The following ARHGEF3 variants were observed in gnomAD, a reference collection of about 807,000 sequenced individuals.
ARHGEF3 encodes the protein Rho guanine nucleotide exchange factor 3.
A neutral mutation model predicts 63.2 loss-of-function variants in ARHGEF3; 28 were observed. That is an observed-to-expected ratio of 0.44 (90% confidence interval 0.33 to 0.61). The LOEUF (loss-of-function observed/expected upper bound fraction) is 0.61. Ranked by LOEUF, ARHGEF3 falls within the 20% of genes least tolerant of loss-of-function variation. The pLI is 0.03. For missense variants in ARHGEF3, 533 were observed against 659.3 expected (o/e 0.81, Z 2.10); for synonymous variants, 266 against 254.2 (o/e 1.05, Z -0.44).
intron 2 of ARHGEF3, among the ~76,000 whole-genome samples, chr3:56,970,306 T>C (rs1273217648): frequency 6.6e-6 from 1 of 152,160 alleles, no homozygotes; most frequent in Non-Finnish European, 1.5e-5. Flanking sequence ...AAGAAACATA[T>C]TTAATGGAAA....
intron 2 of ARHGEF3, among the ~76,000 whole-genome samples, chr3:56,999,835 C>G (rs940903734): frequency 2.6e-5 from 4 of 152,198 alleles, no homozygotes; most frequent in African/African-American, 9.7e-5. Context: ...TGCCCTTCCT[C>G]TAGTCAACTA....
intron 1 of ARHGEF3, among the ~76,000 whole-genome samples, chr3:57,057,685 C>T (rs867309179): frequency 2.0e-5 from 3 of 152,234 alleles, no homozygotes; most frequent in Middle Eastern, 3.4e-3. Flanking sequence ...ATAATGTACC[C>T]TCTGTGCCAC....
intron 1 of ARHGEF3, among the ~76,000 whole-genome samples, chr3:56,789,023 C>T (rs149704831): frequency 2.0e-5 from 2 of 100,672 alleles, no homozygotes; most frequent in Admixed American, 1.7e-4. Flanking sequence ...AAGATAGATG[C>T]TGCTGCTGCT....
intron 4 of ARHGEF3, among the ~76,000 whole-genome samples, chr3:56,811,106 G>C (rs1487896992): frequency 6.6e-6 from 1 of 152,180 alleles, no homozygotes; most frequent in Non-Finnish European, 1.5e-5. Context: ...GCTATATACA[G>C]ATGGGTGCCT....
rs189512549 is a variant in ARHGEF3, at chr3:56,995,585, G to A, written c.63-36696C>T. On this transcript the variant is annotated intron_variant, in intron 2 of 12. Transcript: ENST00000338458. ...ACTGGACTCAAAGAGGTATTCAAAA[G>A]TCTGACACTAGGGGGCAAAAGAGAG... is the stretch of plus-strand genomic sequence containing the variant. Among the ~76,000 whole-genome samples the A allele has an allele frequency of 1.9e-3, 273 of 145,902 alleles. 3 individuals are homozygous for A. The highest frequency in any genetic ancestry group is 0.014 in the Middle Eastern group (4 of 284).
intron 2 of ARHGEF3, among the ~76,000 whole-genome samples, chr3:56,967,769 T>G (rs1244708208): frequency 1.2e-5 from 1 of 86,296 alleles, no homozygotes; most frequent in South Asian, 3.7e-4. Flanking sequence ...TTATATATAA[T>G]ATATTATATT....
At chr3:56,786,464 G>C (rs1459517300) in intron 1 of ARHGEF3, among the ~76,000 whole-genome samples, 1 of 152,182 alleles carries the variant, frequency 6.6e-6, no homozygotes, top group Non-Finnish European at 1.5e-5. Flanking sequence ...GGGTGTATGT[G>C]CATGTGTGCA....
At chr3:56,788,023 G>T (rs903172653) in intron 1 of ARHGEF3, among the ~76,000 whole-genome samples, 3 of 152,168 alleles carry the variant, frequency 2.0e-5, no homozygotes, top group Non-Finnish European at 4.4e-5. Context: ...AAAGGAAGTA[G>T]ACACTGACGC....
chr3:56,989,606 G>A (rs972928182), intron 2 of ARHGEF3, among the ~76,000 whole-genome samples: 2 of 152,176 alleles, frequency 1.3e-5, no homozygotes, highest in Admixed American at 1.3e-4. Flanking sequence ...GAATCATCCA[G>A]CCTGTGACAC....
intron 4 of ARHGEF3, among the ~76,000 whole-genome samples, chr3:56,878,294 G>A (rs934401425): frequency 4.6e-5 from 7 of 152,170 alleles, no homozygotes; most frequent in African/African-American, 1.7e-4. Context: ...TCTGACGTGA[G>A]GGGAGATTCG....
chr3:57,028,874 C>T (rs951826164), intron 2 of ARHGEF3, among the ~76,000 whole-genome samples: 1 of 151,894 alleles, frequency 6.6e-6, no homozygotes, highest in Non-Finnish European at 1.5e-5. Flanking sequence ...GAGGATTAGC[C>T]ATGCTCACTG....
At chr3:56,838,323 T>C (rs944419791) in intron 4 of ARHGEF3, among the ~76,000 whole-genome samples, 3 of 152,164 alleles carry the variant, frequency 2.0e-5, no homozygotes, top group Admixed American at 2.0e-4. Flanking sequence ...GGGGTGAATG[T>C]TTTTTGTACG....
chr3:56,902,319 C>G (rs1441113927), intron 3 of ARHGEF3, among the ~76,000 whole-genome samples: 1 of 152,000 alleles, frequency 6.6e-6, no homozygotes, highest in African/African-American at 2.4e-5. Flanking sequence ...ATGAGGATCT[C>G]ATGTGTGTGC....
At chr3:56,798,965 T>G (rs920387636) in intron 1 of ARHGEF3, among the ~76,000 whole-genome samples, 1 of 152,208 alleles carries the variant, frequency 6.6e-6, no homozygotes, top group Non-Finnish European at 1.5e-5. Context: ...GGCAGTATTA[T>G]ACTAACAGAC....
intron 2 of ARHGEF3, among the ~76,000 whole-genome samples, chr3:57,023,092 C>T (rs1703325984): frequency 6.6e-6 from 1 of 152,232 alleles, no homozygotes; most frequent in African/African-American, 2.4e-5. Flanking sequence ...GCTAATGCCA[C>T]TTCACACATC....
At chr3:56,995,688 G>T (rs1241421064) in intron 2 of ARHGEF3, among the ~76,000 whole-genome samples, 1 of 138,050 alleles carries the variant, frequency 7.2e-6, no homozygotes, top group Non-Finnish European at 1.5e-5. Flanking sequence ...TTTTAACCTG[G>T]TCTCAATTTG....
intron 2 of ARHGEF3, among the ~76,000 whole-genome samples, chr3:56,965,625 A>G (rs979242455): frequency 1.3e-5 from 2 of 151,558 alleles, no homozygotes; most frequent in Admixed American, 1.3e-4. Flanking sequence ...ATAAGGAAGT[A>G]GATTAAATGA....
intron 4 of ARHGEF3, among the ~76,000 whole-genome samples, chr3:56,839,383 C>T (rs1341860625): frequency 6.6e-6 from 1 of 151,852 alleles, no homozygotes; most frequent in African/African-American, 2.4e-5. Flanking sequence ...CTCCAGGTAA[C>T]TCACAGAACA....
At chr3:56,846,682 TATG>T (rs762953873) in intron 4 of ARHGEF3, among the ~76,000 whole-genome samples, 57 of 152,128 alleles carry the variant, frequency 3.7e-4, no homozygotes, top group Non-Finnish European at 7.5e-4. Context: ...ACAGGACTTG[TATG>T]GACTAACTTC....
Sources: allele counts gnomAD v4.1 joint callset (sites outside exome capture counted in the v4.1 genomes callset), GRCh38; gene constraint gnomAD v4.1.1; transcripts MANE v1.5; gene names NCBI Gene and HGNC (gene_info 2026-07-23, HGNC 2026-07-21).